ZCCHC24: variants seen among roughly 807,000 people sequenced by gnomAD.
ZCCHC24 encodes the protein zinc finger CCHC-type containing 24.
Under a neutral mutation model 26.2 loss-of-function variants are expected in ZCCHC24, and 10 were observed. The observed-to-expected ratio is 0.38, with a 90% CI of 0.24 to 0.65. The LOEUF (loss-of-function observed/expected upper bound fraction) is 0.65. ZCCHC24 is among the 30% of genes least tolerant of loss of function. ZCCHC24 has a pLI of 0.54. For synonymous variants in ZCCHC24, 144 were observed against 147.1 expected (o/e 0.98, Z 0.15); for missense variants, 243 against 329.1 (o/e 0.74, Z 2.03).
intron 1 of ZCCHC24, among the ~76,000 whole-genome samples, chr10:79,444,964 C>G (rs1205330339): frequency 6.6e-6 from 1 of 152,204 alleles, no homozygotes; most frequent in African/African-American, 2.4e-5. Context: ...AGCTCCGCCC[C>G]GGCCTGCATT....
intron 1 of ZCCHC24, among the ~76,000 whole-genome samples, chr10:79,438,644 C>T (rs570973915): frequency 1.3e-5 from 2 of 152,234 alleles, no homozygotes; most frequent in African/African-American, 2.4e-5. Context: ...AAATGTAAAA[C>T]ACAGTTCCCT....
intron 2 of ZCCHC24, among the ~76,000 whole-genome samples, chr10:79,420,177 C>T (rs926636090): frequency 1.3e-5 from 2 of 152,040 alleles, no homozygotes; most frequent in African/African-American, 4.8e-5. Flanking sequence ...CACTGGGCAC[C>T]TTCCAGCTGT....
At position 79,384,933 on chromosome 10, in the gene ZCCHC24, C is replaced by T. The variant is rs576440111; in HGVS notation, c.*1412G>A. 64 of 152,346 alleles carry T rather than the reference C, an allele frequency of 4.2e-4. No individual in the cohort carries two copies. Among genetic ancestry groups the T allele is most frequent in the African/African-American group, 1.4e-3 (58 of 41,530 alleles). 9.4% of individuals were successfully genotyped at this position (152,346 alleles called of 1,614,324 possible). ...GAAACGGGGCTTCTCATCCGGGAGA[C>T]AGAGGAGCGCACGATCCCGCCGCCA... On this transcript the variant is annotated 3_prime_UTR_variant, in exon 4 of 4. Transcript: ENST00000372336.
At chr10:79,432,823 C>A in intron 1 of ZCCHC24, 65 bp from the exon 2 acceptor site, 7 of 1,519,870 alleles carry the variant, frequency 4.6e-6, no homozygotes, top group Non-Finnish European at 6.2e-6. Flanking sequence ...AACCCCCCAC[C>A]CAAACACACG....
At chr10:79,444,130 A>G in intron 1 of ZCCHC24, 1 of 1,545,542 alleles carries the variant, frequency 6.5e-7, no homozygotes, top group Non-Finnish European at 8.7e-7. Flanking sequence ...AAGGAAAGTG[A>G]CCCCCATGTG....
intron 2 of ZCCHC24, among the ~76,000 whole-genome samples, chr10:79,416,977 G>A (rs1290304705): frequency 1.3e-5 from 2 of 152,166 alleles, no homozygotes; most frequent in Non-Finnish European, 2.9e-5. Context: ...TGGGCACCAC[G>A]GCAGACACTG....
intron 2 of ZCCHC24, among the ~76,000 whole-genome samples, chr10:79,402,718 G>A (rs745313053): frequency 2.0e-5 from 3 of 152,220 alleles, no homozygotes; most frequent in Non-Finnish European, 2.9e-5. Context: ...AGAGCAAACT[G>A]AGGTACAGAG....
At chr10:79,407,886 G>A (rs1009228696) in intron 2 of ZCCHC24, among the ~76,000 whole-genome samples, 11 of 152,140 alleles carry the variant, frequency 7.2e-5, no homozygotes, top group Admixed American at 4.6e-4. Flanking sequence ...CAAGACCGGC[G>A]GTGGTGTCAG....
intron 2 of ZCCHC24, among the ~76,000 whole-genome samples, chr10:79,398,370 G>C (rs1856575971): frequency 6.6e-6 from 1 of 152,210 alleles, no homozygotes; most frequent in South Asian, 2.1e-4. Context: ...GTTGGGATTT[G>C]ACACATTCAT....
At chr10:79,441,277 G>A (rs987941929) in intron 1 of ZCCHC24, among the ~76,000 whole-genome samples, 1 of 152,086 alleles carries the variant, frequency 6.6e-6, no homozygotes, top group African/African-American at 2.4e-5. Context: ...CCAAACCCTC[G>A]GAAAACTGTC....
chr10:79,432,907 T>A (rs1040570168), intron 1 of ZCCHC24, 149 bp from the exon 2 acceptor site: 4 of 849,304 alleles, frequency 4.7e-6, no homozygotes, highest in Non-Finnish European at 3.5e-6. Flanking sequence ...TCCTAACTAG[T>A]GTGTCTCCAT....
chr10:79,433,829 G>A (rs1394427666), intron 1 of ZCCHC24, among the ~76,000 whole-genome samples: 1 of 152,194 alleles, frequency 6.6e-6, no homozygotes, highest in Non-Finnish European at 1.5e-5. Flanking sequence ...TTACAAAGAT[G>A]GGGCAGACAG....
intron 2 of ZCCHC24, among the ~76,000 whole-genome samples, chr10:79,427,140 A>G (rs191704444): frequency 2.0e-5 from 3 of 152,330 alleles, no homozygotes; most frequent in African/African-American, 7.2e-5. Context: ...CATCAAGAAG[A>G]TACAACAACT....
At chr10:79,425,636 T>C (rs1400401103) in intron 2 of ZCCHC24, among the ~76,000 whole-genome samples, 1 of 152,188 alleles carries the variant, frequency 6.6e-6, no homozygotes, top group East Asian at 1.9e-4. Context: ...GGCAAGTCAC[T>C]CCACTTCTCT....
Position 79,419,895 on chromosome 10 carries a change from G to A in ZCCHC24, c.447+12663C>T, listed in dbSNP as rs570912603. ...GGGAAGGTGAGGCCATTGACCCATC[G>A]AGATTCCTGGGGACTCCTAATTATC... On this transcript the variant is annotated intron_variant, in intron 2 of 3. Coordinates refer to ENST00000372336, the MANE Select transcript of ZCCHC24 (RefSeq NM_153367.4). Among the ~76,000 whole-genome samples, 13 of 152,174 alleles carry A rather than the reference G, an allele frequency of 8.5e-5. 1 individual carries two copies. Among genetic ancestry groups the A allele is most frequent in the South Asian group, 4.1e-4 (2 of 4,826 alleles).
At position 79,384,941 on chromosome 10, in the gene ZCCHC24, C is replaced by T. The variant is rs4979863; in HGVS notation, c.*1404G>A. 0.26 allele frequency: 39,972 copies of T among 151,972 alleles called. 6,178 individuals are homozygous for T. Among genetic ancestry groups the T allele is most frequent in the East Asian group, 0.59 (3,023 of 5,144 alleles). 9.4% of individuals were successfully genotyped at this position (151,972 alleles called of 1,614,324 possible). ...GCTTCTCATCCGGGAGACAGAGGAGCGCACGATCCCGCCGCCAGCCAGGAC... is the reference window on the plus strand; with the variant it reads ...GCTTCTCATCCGGGAGACAGAGGAGTGCACGATCCCGCCGCCAGCCAGGAC... On this transcript the variant is annotated 3_prime_UTR_variant, in exon 4 of 4. Coordinates refer to ENST00000372336, the MANE Select transcript of ZCCHC24 (RefSeq NM_153367.4).
intron 1 of ZCCHC24, among the ~76,000 whole-genome samples, chr10:79,441,424 C>T (rs564731274): frequency 6.6e-6 from 1 of 152,192 alleles, no homozygotes; most frequent in South Asian, 2.1e-4. Context: ...GTTCTCAAAC[C>T]TCCAATGGGT....
At chr10:79,400,654 C>G (rs534491560) in intron 2 of ZCCHC24, among the ~76,000 whole-genome samples, 1 of 152,258 alleles carries the variant, frequency 6.6e-6, no homozygotes, top group African/African-American at 2.4e-5. Context: ...CCTCCTGCCC[C>G]CTAGGGGGCG....
chr10:79,404,944 C>T (rs1856690075), intron 2 of ZCCHC24, among the ~76,000 whole-genome samples: 1 of 152,228 alleles, frequency 6.6e-6, no homozygotes, highest in South Asian at 2.1e-4. Flanking sequence ...CAGTGAACAG[C>T]CATGTACCCT....
Sources: allele counts gnomAD v4.1 joint callset (sites outside exome capture counted in the v4.1 genomes callset), GRCh38; gene constraint gnomAD v4.1.1; transcripts MANE v1.5; gene names NCBI Gene and HGNC (gene_info 2026-07-23, HGNC 2026-07-21).